SMAD5: variants seen among roughly 807,000 people sequenced by gnomAD.
SMAD5 encodes the protein MAD, mothers against decapentaplegic homolog 5.
SMAD5 carries 9 observed loss-of-function variants against 43.1 expected under a neutral mutation model. That is an observed-to-expected ratio of 0.21 (90% CI 0.13 to 0.36). The LOEUF is 0.36. Ranked by LOEUF, SMAD5 falls within the 10% of genes least tolerant of loss-of-function variation. The pLI is 1.00. For missense variants in SMAD5, 348 were observed against 574.0 expected (o/e 0.61, Z 4.02); for synonymous variants, 190 against 192.4 (o/e 0.99, Z 0.10).
intron 5 of SMAD5, among the ~76,000 whole-genome samples, chr5:136,166,437 A>G (rs6890749): frequency 0.36 from 54,053 of 151,996 alleles, 10,457 homozygotes; most frequent in African/African-American, 0.52. Flanking sequence ...TAATGTTTCT[A>G]TAATGTCTAG....
In SMAD5 at chr5:136,144,979, GA is replaced by G. The variant is rs887038760; in HGVS notation, c.-244-2843del. 8.4e-5 allele frequency among the ~76,000 whole-genome samples: 12 copies of G among 143,068 alleles called. No homozygotes were observed. The East Asian group carries it at 1.0e-3, about 12-fold the overall frequency. The allele number at this position is 143,068 out of a possible 152,430, so 93.9% of individuals were successfully genotyped here. A position where few individuals can be genotyped will look rare whatever the true frequency, so the allele number is the denominator to read the frequency against. ...CTATGAGAAATGCAGAAAGAGAAAA[GA>G]AAAAAAAAAGAGTTAAAAGAATGAG... On this transcript the variant is annotated intron_variant, in intron 1 of 7. Transcript: ENST00000545279.
chr5:136,171,489 A>G (rs776706550), intron 5 of SMAD5, among the ~76,000 whole-genome samples: 72 of 152,326 alleles, frequency 4.7e-4, no homozygotes, highest in Middle Eastern at 6.8e-3. Flanking sequence ...CATCAAACCA[A>G]AGAGGTTTAT....
Position 136,161,106 on chromosome 5 carries a change from A to G in SMAD5, c.654A>G (p.Pro218=), listed in dbSNP as rs1307740355. 3.5e-5 allele frequency: 56 copies of G among 1,610,224 alleles called. No homozygotes were observed. Among genetic ancestry groups the G allele is most frequent in the Non-Finnish European group, 4.7e-5 (55 of 1,178,968 alleles). ...GACCAGGAAGTCCATTTCAGCTCCC[A>G]GGTAAGACTTTATTTTATTGATACC... ...SSGPGSPFQL[P]ADTPPPAYMP... The change falls in exon 4 of 8, where the codon CCA becomes CCG. Residue 218 remains proline, a splice_region_variant and synonymous_variant. Coordinates refer to ENST00000545279, the MANE Select transcript of SMAD5 (RefSeq NM_005903.7).
At chr5:136,169,094 G>GA (rs1389625583) in intron 5 of SMAD5, among the ~76,000 whole-genome samples, 2 of 152,164 alleles carry the variant, frequency 1.3e-5, no homozygotes, top group Non-Finnish European at 2.9e-5. Context: ...CAAAAGTAGG[G>GA]AACCTGACAG....
intron 3 of SMAD5, among the ~76,000 whole-genome samples, chr5:136,154,972 C>A (rs1367388690): frequency 2.0e-5 from 3 of 152,168 alleles, no homozygotes; most frequent in African/African-American, 7.2e-5. Flanking sequence ...GCGTATTCTC[C>A]TGTTTTCACA....
intron 2 of SMAD5, among the ~76,000 whole-genome samples, chr5:136,151,468 C>T (rs764789947): frequency 6.6e-6 from 1 of 151,950 alleles, no homozygotes. Context: ...GATGCAAAGA[C>T]CTCACATAGA....
chr5:136,173,545 T>G (rs1046697554), intron 6 of SMAD5, among the ~76,000 whole-genome samples: 1 of 152,192 alleles, frequency 6.6e-6, no homozygotes, highest in African/African-American at 2.4e-5. Flanking sequence ...CTTAGTTTTT[T>G]CAGTGAAGTG....
At position 136,181,469 on chromosome 5, in the gene SMAD5, A is replaced by G. The variant is rs1754626108; in HGVS notation, c.*3989A>G. 2 of 152,058 alleles carry G rather than the reference A, an allele frequency of 1.3e-5. No homozygotes were observed. Among genetic ancestry groups the G allele is most frequent in the African/African-American group, 4.8e-5 (2 of 41,400 alleles). 9.4% of individuals were successfully genotyped at this position (152,058 alleles called of 1,614,324 possible). On this transcript the variant is annotated 3_prime_UTR_variant, in exon 8 of 8. Coordinates refer to ENST00000545279, the MANE Select transcript of SMAD5 (RefSeq NM_005903.7). ...AGTGTTTGGTGATTTTTATGGAGAG[A>G]GTTTTCCTAAGTGGTGGTTTATAGG...
chr5:136,154,874 A>G (rs1753581728), intron 3 of SMAD5, among the ~76,000 whole-genome samples: 2 of 151,870 alleles, frequency 1.3e-5, no homozygotes, highest in Non-Finnish European at 2.9e-5. Context: ...CTTCCATCCT[A>G]CTCAAAACTT....
rs748728739 is a variant in SMAD5, at chr5:136,163,282, T to A, written c.666T>A (p.Pro222=). Residue 222 remains proline (P), a synonymous_variant, in exon 5 of 8, where the codon CCT becomes CCA. Coordinates refer to ENST00000545279, the MANE Select transcript of SMAD5 (RefSeq NM_005903.7). ...TTTTTTTCCTCTTAGCTGATACGCC[T>A]CCTCCTGCCTATATGCCACCTGATG... is the stretch of plus-strand genomic sequence containing the variant. ...GSPFQLPADT[P]PPAYMPPDDQ... 1 of 1,607,670 alleles carries A rather than the reference T, an allele frequency of 6.2e-7. No homozygotes were observed. The highest frequency in any genetic ancestry group is 8.5e-7 in the Non-Finnish European group (1 of 1,176,844).
intron 7 of SMAD5, among the ~76,000 whole-genome samples, chr5:136,176,457 C>CAAAAAAAAAAAAAAAAAA (rs60311104): frequency 5.8e-5 from 4 of 68,532 alleles, no homozygotes; most frequent in Non-Finnish European, 8.8e-5. Flanking sequence ...CTCTGTCTCA[C>CAAAAAAAAAAAAAAAAAA]AAAAAAAAAA....
chr5:136,139,128 CTGTG>C lies in SMAD5; in HGVS notation c.-245+6194_-245+6197del, dbSNP rs57433582. On this transcript the variant is annotated intron_variant, in intron 1 of 7. Transcript: ENST00000545279. The stretch of plus-strand genomic sequence containing the variant: ...CACTTTAGAAATCTAGCTGTGAGCT[CTGTG>C]TGTGTGTGTGTGTGTGTGTGTGTGT... Among the ~76,000 whole-genome samples the C allele has an allele frequency of 1.2e-3, 167 of 140,460 alleles. No homozygotes were observed. The South Asian group carries it at 0.014, about 12-fold the overall frequency. The allele number at this position is 140,460 out of a possible 152,430, so 92.1% of individuals were successfully genotyped here. A position where few individuals can be genotyped will look rare whatever the true frequency, so the allele number is the denominator to read the frequency against.
At chr5:136,135,257 G>A (rs1752834741) in intron 1 of SMAD5, among the ~76,000 whole-genome samples, 1 of 152,188 alleles carries the variant, frequency 6.6e-6, no homozygotes. Context: ...ATTAAAAGTT[G>A]CATTCTGCAG....
Position 136,182,174 on chromosome 5 carries a change from A to G in SMAD5, c.*4694A>G, listed in dbSNP as rs1754649923. The G allele has an allele frequency of 6.6e-6, 1 of 152,084 alleles. No individual in the cohort carries two copies. The highest frequency in any genetic ancestry group is 2.4e-5 in the African/African-American group (1 of 41,416). 9.4% of individuals were successfully genotyped at this position (152,084 alleles called of 1,614,324 possible). A position where few individuals can be genotyped will look rare whatever the true frequency, so the allele number is the denominator to read the frequency against. On this transcript the variant is annotated 3_prime_UTR_variant, in exon 8 of 8. Transcript: ENST00000545279. The stretch of plus-strand genomic sequence containing the variant: ...TTAATAGTGCCTTCTTAATTAATAC[A>G]GACTGGTGTTAGCTATAACAAAACT...
chr5:136,145,754 A>G (rs1302909539), intron 1 of SMAD5, among the ~76,000 whole-genome samples: 1 of 151,972 alleles, frequency 6.6e-6, no homozygotes, highest in Non-Finnish European at 1.5e-5. Context: ...TTAGGGCCAT[A>G]GTATTCACGA....
intron 5 of SMAD5, among the ~76,000 whole-genome samples, chr5:136,166,371 T>C (rs924180074): frequency 6.6e-6 from 1 of 152,278 alleles, no homozygotes; most frequent in East Asian, 1.9e-4. Flanking sequence ...GTGTGTTATA[T>C]TGAGTGCTCT....
rs1754636110 is a variant in SMAD5, at chr5:136,181,793, A to G, written c.*4313A>G. The stretch of plus-strand genomic sequence containing the variant: ...ATTGGATTATCTTCTCTCTTAAAAT[A>G]CAACTGTATTATAATTGAAATGACA... On this transcript the variant is annotated 3_prime_UTR_variant, in exon 8 of 8. Coordinates refer to ENST00000545279, the MANE Select transcript of SMAD5 (RefSeq NM_005903.7). 1 of 152,218 alleles carries G rather than the reference A, an allele frequency of 6.6e-6. No homozygotes were observed. The highest frequency in any genetic ancestry group is 6.5e-5 in the Admixed American group (1 of 15,290). 9.4% of individuals were successfully genotyped at this position (152,218 alleles called of 1,614,324 possible). A position where few individuals can be genotyped will look rare whatever the true frequency, so the allele number is the denominator to read the frequency against.
rs1754624346 is a variant in SMAD5 at position 136,181,409 on chromosome 5, T to A, written c.*3929T>A. ...TATATTGTTCAGCTAGATGAGCAAG[T>A]ATCTTAGGGTAGTAGGTAGCCTGGT... is the stretch of plus-strand genomic sequence containing the variant. On this transcript the variant is annotated 3_prime_UTR_variant, in exon 8 of 8. Transcript: ENST00000545279. 6.6e-6 allele frequency: 1 copy of A among 152,158 alleles called. No homozygotes were observed. The highest frequency in any genetic ancestry group is 2.4e-5 in the African/African-American group (1 of 41,456). The allele number at this position is 152,158 out of a possible 1,614,324, so 9.4% of individuals were successfully genotyped here. A position where few individuals can be genotyped will look rare whatever the true frequency, so the allele number is the denominator to read the frequency against.
At chr5:136,159,467 T>C (rs1257319850) in intron 3 of SMAD5, among the ~76,000 whole-genome samples, 1 of 152,162 alleles carries the variant, frequency 6.6e-6, no homozygotes, top group Non-Finnish European at 1.5e-5. Context: ...TTTTGGATGA[T>C]ATAAAATAAT....
Sources: allele counts gnomAD v4.1 joint callset (sites outside exome capture counted in the v4.1 genomes callset), GRCh38; gene constraint gnomAD v4.1.1; transcripts MANE v1.5; gene names NCBI Gene and HGNC (gene_info 2026-07-23, HGNC 2026-07-21).